The following HTR7 variants were observed in gnomAD, a reference collection of about 807,000 sequenced individuals.
HTR7 encodes 5-hydroxytryptamine receptor 7, also known as 5-HT-7.
Under a neutral mutation model 34.0 loss-of-function variants are expected in HTR7, and 16 were observed. The observed-to-expected ratio is 0.47, with a 90% CI of 0.32 to 0.71. HTR7 has a LOEUF of 0.71. Ranked by LOEUF, HTR7 falls within the 30% of genes least tolerant of loss-of-function variation. The pLI is 0.04. For synonymous variants in HTR7, 265 were observed against 260.2 expected, an observed-to-expected ratio of 1.02 and a Z score of -0.18; for missense variants, 504 against 625.5, an observed-to-expected ratio of 0.81 and a Z score of 2.07.
At chr10:90,823,545 C>T (rs1217059321) in intron 1 of HTR7, among the ~76,000 whole-genome samples, 6 of 152,312 alleles carry the variant, frequency 3.9e-5, no homozygotes, top group Non-Finnish European at 7.3e-5. Flanking sequence ...CCTTGTTTCA[C>T]ATGAGACTTT....
intron 1 of HTR7, among the ~76,000 whole-genome samples, chr10:90,801,365 C>A (rs1845623472): frequency 6.6e-6 from 1 of 152,172 alleles, no homozygotes; most frequent in Non-Finnish European, 1.5e-5. Context: ...ACAATGTTGA[C>A]TAAAACTCCA....
At chr10:90,788,902 A>G (rs976354333) in intron 1 of HTR7, among the ~76,000 whole-genome samples, 4 of 152,160 alleles carry the variant, frequency 2.6e-5, no homozygotes, top group African/African-American at 9.7e-5. Context: ...CCCACTTCAT[A>G]GCCTAGCAAA....
chr10:90,806,113 A>AGGATGT (rs1257234926), intron 1 of HTR7, among the ~76,000 whole-genome samples: 1 of 152,204 alleles, frequency 6.6e-6, no homozygotes, highest in African/African-American at 2.4e-5. Context: ...AAATAACATG[A>AGGATGT]GGATGTGGTT....
chr10:90,847,825 T>C (rs186058730), intron 1 of HTR7, among the ~76,000 whole-genome samples: 1 of 152,360 alleles, frequency 6.6e-6, no homozygotes, highest in Admixed American at 6.5e-5. Flanking sequence ...ATCATATATC[T>C]GACTTAATCC....
chr10:90,749,734 G>A lies in HTR7; in HGVS notation c.540-140C>T. 1 of 715,362 alleles carries A rather than the reference G, an allele frequency of 1.4e-6. No individual in the cohort carries two copies. Among genetic ancestry groups the A allele is most frequent in the South Asian group, 1.9e-5 (1 of 52,890 alleles). 44.3% of individuals were successfully genotyped at this position (715,362 alleles called of 1,614,324 possible). On this transcript the variant is annotated intron_variant, in intron 1 of 3. Coordinates refer to ENST00000336152, the MANE Select transcript of HTR7 (RefSeq NM_019859.4). This position sits in a 1 kb window ranked among gnomAD's most constrained non-coding sequence, Gnocchi z 4.2. ...CATCATTACTCCCATTTTGCAGAAAGGTAAACTAAGGCTCTGAGATGTTAC... is the reference window on the plus strand; with the variant it reads ...CATCATTACTCCCATTTTGCAGAAAAGTAAACTAAGGCTCTGAGATGTTAC...
rs891198796 is a variant in HTR7 at position 90,741,976 on chromosome 10, T to A, written c.*506A>T. 8 of 152,758 alleles carry A rather than the reference T, an allele frequency of 5.2e-5. No homozygotes were observed. The highest frequency in any genetic ancestry group is 1.9e-4 in the African/African-American group (8 of 41,454). 9.5% of individuals were successfully genotyped at this position (152,758 alleles called of 1,614,324 possible). A position where few individuals can be genotyped will look rare whatever the true frequency, so the allele number is the denominator to read the frequency against. ...AAACACTGCTCTGGGAAATCATTTG[T>A]ATTAGCTGATGACTGGATTCTGTTT... On this transcript the variant is annotated 3_prime_UTR_variant, in exon 4 of 4. Transcript: ENST00000336152.
At chr10:90,776,466 A>T (rs117453552) in intron 1 of HTR7, among the ~76,000 whole-genome samples, 3,484 of 152,308 alleles carry the variant, frequency 0.023, 82 homozygotes, top group Admixed American at 0.059. Context: ...TATATCCTTT[A>T]ATAAGTGAAT....
At chr10:90,829,898 G>A (rs1435831442) in intron 1 of HTR7, among the ~76,000 whole-genome samples, 1 of 151,976 alleles carries the variant, frequency 6.6e-6, no homozygotes, top group Admixed American at 6.5e-5. Flanking sequence ...AAATACCTAG[G>A]AATTAACCAA....
intron 1 of HTR7, among the ~76,000 whole-genome samples, chr10:90,816,665 C>T (rs1285218398): frequency 1.3e-5 from 2 of 152,106 alleles, no homozygotes; most frequent in Admixed American, 6.6e-5. Flanking sequence ...ACTGAAGTTG[C>T]GGTGTTTTGA....
rs1845424138 is a variant in HTR7 at position 90,788,950 on chromosome 10, C to G, written c.540-39356G>C. ...CCTTAAGACCTTGCTCAAGTGTCACCTCTACTGTAAGGTCCTTCCTATCTG... is the reference window on the plus strand; with the variant it reads ...CCTTAAGACCTTGCTCAAGTGTCACGTCTACTGTAAGGTCCTTCCTATCTG... On this transcript the variant is annotated intron_variant, in intron 1 of 3. Coordinates refer to ENST00000336152, the MANE Select transcript of HTR7 (RefSeq NM_019859.4). 1.3e-5 allele frequency among the ~76,000 whole-genome samples: 2 copies of G among 152,140 alleles called. 1 individual carries two copies. The highest frequency in any genetic ancestry group is 4.1e-4 in the South Asian group (2 of 4,822).
chr10:90,767,995 T>A (rs1173717444), intron 1 of HTR7, among the ~76,000 whole-genome samples: 1 of 152,136 alleles, frequency 6.6e-6, no homozygotes, highest in African/African-American at 2.4e-5. Flanking sequence ...TCTTATTCAC[T>A]CCTTCCTCTA....
chr10:90,843,675 AGGTGGG>A (rs1564701120), intron 1 of HTR7, among the ~76,000 whole-genome samples: 1 of 54,172 alleles, frequency 1.8e-5, no homozygotes, highest in Non-Finnish European at 3.3e-5. Context: ...AAGGAAGGAA[AGGTGGG>A]AGAAAAGAAA....
chr10:90,776,743 G>A (rs1252128053), intron 1 of HTR7, among the ~76,000 whole-genome samples: 1 of 152,118 alleles, frequency 6.6e-6, no homozygotes, highest in East Asian at 1.9e-4. Flanking sequence ...GCTCCTTAAT[G>A]TGAAAAATCT....
chr10:90,756,717 A>G lies in HTR7; in HGVS notation c.540-7123T>C, dbSNP rs558653803. On this transcript the variant is annotated intron_variant, in intron 1 of 3. Transcript: ENST00000336152. Reference sequence around the variant, plus strand: ...AGAGAAAATCAGATTTAATTAAAATAAAATAAGTCACTTAATTCTAAAAGT... The same window carrying G: ...AGAGAAAATCAGATTTAATTAAAATGAAATAAGTCACTTAATTCTAAAAGT... 6.6e-5 allele frequency among the ~76,000 whole-genome samples: 10 copies of G among 152,336 alleles called. No homozygotes were observed. The South Asian group carries it at 2.1e-3, about 32-fold the overall frequency.
At chr10:90,845,583 A>C (rs1846403193) in intron 1 of HTR7, among the ~76,000 whole-genome samples, 1 of 152,242 alleles carries the variant, frequency 6.6e-6, no homozygotes, top group Admixed American at 6.5e-5. Flanking sequence ...TCTATGAGAT[A>C]CCATGTGTCA....
intron 1 of HTR7, among the ~76,000 whole-genome samples, chr10:90,806,637 T>TA (rs1030177235): frequency 6.7e-6 from 1 of 149,628 alleles, no homozygotes; most frequent in Non-Finnish European, 1.5e-5. Context: ...AATAAAAAAA[T>TA]AAAAAAAAAG....
intron 1 of HTR7, among the ~76,000 whole-genome samples, chr10:90,786,937 C>T (rs1226609495): frequency 2.0e-5 from 3 of 152,170 alleles, no homozygotes; most frequent in Non-Finnish European, 2.9e-5. Flanking sequence ...TGCGTTACTG[C>T]ATTTTCTCAG....
intron 1 of HTR7, among the ~76,000 whole-genome samples, chr10:90,805,200 TA>T (rs1845686145): frequency 6.6e-6 from 1 of 152,164 alleles, no homozygotes; most frequent in African/African-American, 2.4e-5. Context: ...GTCATTACTA[TA>T]GGGGGCTACT....
intron 2 of HTR7, among the ~76,000 whole-genome samples, chr10:90,748,164 G>C (rs1211146679): frequency 6.6e-6 from 1 of 152,008 alleles, no homozygotes; most frequent in African/African-American, 2.4e-5. Context: ...TTTTAGAGGC[G>C]AGTCTTGCTC....
Sources: gnomAD v4.1 joint callset for allele counts (sites outside exome capture counted in the v4.1 genomes callset) on GRCh38, gnomAD v4.1.1 for gene constraint, Gnocchi (gnomAD v3.1) non-coding constraint, MANE v1.5 for transcripts, NCBI Gene and HGNC (gene_info 2026-07-23, HGNC 2026-07-21) for gene names.